MITF: variants seen among roughly 807,000 people sequenced by gnomAD.
MITF encodes melanocyte inducing transcription factor.
In MITF, 17 loss-of-function variants were observed where a neutral mutation model predicts 60.5. The ratio of observed to expected loss-of-function variants is 0.28; its 90% CI spans 0.19 to 0.42. The LOEUF is 0.42. Among genes scored for constraint, MITF ranks in the 10% least tolerant of loss-of-function variants. The pLI is 1.00. For synonymous variants in MITF, 260 were observed against 248.5 expected, an observed-to-expected ratio of 1.05 and a Z score of -0.43; for missense variants, 622 against 683.5, an observed-to-expected ratio of 0.91 and a Z score of 1.00.
intron 9 of MITF, among the ~76,000 whole-genome samples, chr3:69,959,857 G>A (rs79791531): frequency 0.022 from 3,322 of 152,276 alleles, 114 homozygotes; most frequent in African/African-American, 0.076. Flanking sequence ...GTTCCTGAGG[G>A]CAAGAAGGCC....
intron 7 of MITF, among the ~76,000 whole-genome samples, chr3:69,954,144 C>G (rs927145076): frequency 7.2e-5 from 11 of 152,016 alleles, no homozygotes; most frequent in Non-Finnish European, 1.2e-4. Context: ...TGTAGTACAC[C>G]TAAATATTGA....
intron 1 of MITF, among the ~76,000 whole-genome samples, chr3:69,786,692 C>T (rs2062655143): frequency 6.6e-6 from 1 of 151,924 alleles, no homozygotes; most frequent in East Asian, 1.9e-4. Flanking sequence ...CTTGTATGGG[C>T]TTATCCTTTT....
At chr3:69,894,201 C>T (rs1361120583) in intron 2 of MITF, among the ~76,000 whole-genome samples, 2 of 152,212 alleles carry the variant, frequency 1.3e-5, no homozygotes, top group Non-Finnish European at 2.9e-5. Flanking sequence ...CACAGCCTTT[C>T]GCCCCTAAGC....
At chr3:69,961,276 G>A (rs530859710) in intron 9 of MITF, among the ~76,000 whole-genome samples, 29 of 150,848 alleles carry the variant, frequency 1.9e-4, no homozygotes, top group African/African-American at 6.1e-4. Context: ...CCAGCTACTC[G>A]TGAGGCTGAG....
chr3:69,967,800 A>G lies in MITF; in HGVS notation c.*2552A>G, dbSNP rs146395033. 3.0e-5 allele frequency: 7 copies of G among 233,034 alleles called. No individual in the cohort carries two copies. Among genetic ancestry groups the G allele is most frequent in the Non-Finnish European group, 5.9e-5 (7 of 117,914 alleles). The allele number at this position is 233,034 out of a possible 1,614,324, so 14.4% of individuals were successfully genotyped here. The stretch of plus-strand genomic sequence containing the variant: ...GCAGTGGTTTGGGCTTGTTGTTTGT[A>G]ACAAGAAAATGATCCACACCACTCC... On this transcript the variant is annotated 3_prime_UTR_variant, in exon 10 of 10. Transcript: ENST00000352241.
At chr3:69,866,147 G>T in intron 1 of MITF, 1 of 1,462,492 alleles carries the variant, frequency 6.8e-7, no homozygotes, top group Non-Finnish European at 9.0e-7. Context: ...CAGAAACCAG[G>T]CACCGTTCTA....
intron 1 of MITF, among the ~76,000 whole-genome samples, chr3:69,761,248 GT>G (rs1194564177): frequency 4.6e-5 from 7 of 152,038 alleles, no homozygotes. Flanking sequence ...TTACATCTAG[GT>G]GAATTATAAA....
chr3:69,821,607 T>C (rs867791483), intron 1 of MITF, among the ~76,000 whole-genome samples: 46 of 140,982 alleles, frequency 3.3e-4, no homozygotes, highest in Middle Eastern at 3.8e-3. Flanking sequence ...AGACCTAGAT[T>C]TAAAAAAAAC....
At chr3:69,748,039 C>T (rs1703796016) in intron 1 of MITF, among the ~76,000 whole-genome samples, 2 of 151,980 alleles carry the variant, frequency 1.3e-5, no homozygotes, top group South Asian at 4.2e-4. Flanking sequence ...TTCCTGTCCA[C>T]TCTGTTGTGA....
At chr3:69,803,198 G>T (rs747996071) in intron 1 of MITF, among the ~76,000 whole-genome samples, 5 of 152,158 alleles carry the variant, frequency 3.3e-5, no homozygotes, top group Non-Finnish European at 7.4e-5. Flanking sequence ...CAAAAGTCCA[G>T]TTTATGAAGC....
intron 2 of MITF, among the ~76,000 whole-genome samples, chr3:69,914,001 G>A (rs953825913): frequency 3.9e-5 from 6 of 152,170 alleles, no homozygotes; most frequent in African/African-American, 1.4e-4. Flanking sequence ...TTGTTTTCAT[G>A]GGCTTTTCCA....
intron 1 of MITF, among the ~76,000 whole-genome samples, chr3:69,757,662 A>G (rs1434025212): frequency 6.6e-6 from 1 of 152,156 alleles, no homozygotes; most frequent in Non-Finnish European, 1.5e-5. Context: ...GAAAAAAAAC[A>G]GTTTGGGACA....
At chr3:69,762,914 A>G in intron 1 of MITF, 1 of 224,786 alleles carries the variant, frequency 4.4e-6, no homozygotes, top group Non-Finnish European at 8.9e-6. Flanking sequence ...CTGGGGTTGG[A>G]GGTTTAAACC....
At chr3:69,742,721 T>A (rs1211166804) in intron 1 of MITF, among the ~76,000 whole-genome samples, 1 of 152,200 alleles carries the variant, frequency 6.6e-6, no homozygotes, top group Non-Finnish European at 1.5e-5. Context: ...TGGGAAAGTA[T>A]TAGCATGGTG....
intron 1 of MITF, among the ~76,000 whole-genome samples, chr3:69,784,088 G>A (rs953895909): frequency 7.9e-5 from 12 of 152,034 alleles, no homozygotes; most frequent in Non-Finnish European, 4.4e-5. Context: ...TTTTGTTAAT[G>A]TTAGCAATAT....
At chr3:69,776,472 A>G (rs535340940) in intron 1 of MITF, among the ~76,000 whole-genome samples, 4 of 152,296 alleles carry the variant, frequency 2.6e-5, no homozygotes, top group Admixed American at 2.6e-4. Context: ...GTTTCCTCAT[A>G]TGCACAATGG....
At chr3:69,963,652 C>T (rs1026761264) in intron 9 of MITF, among the ~76,000 whole-genome samples, 2 of 152,186 alleles carry the variant, frequency 1.3e-5, no homozygotes, top group East Asian at 1.9e-4. Flanking sequence ...GACACCATCA[C>T]CCCATCGCCC....
intron 1 of MITF, among the ~76,000 whole-genome samples, chr3:69,811,324 G>A (rs1054355783): frequency 6.6e-6 from 1 of 152,152 alleles, no homozygotes; most frequent in South Asian, 2.1e-4. Flanking sequence ...GCTATGGATT[G>A]GACAAGTTTG....
At chr3:69,845,283 CTTCT>C (rs1486436240) in intron 1 of MITF, among the ~76,000 whole-genome samples, 1 of 151,868 alleles carries the variant, frequency 6.6e-6, no homozygotes, top group Non-Finnish European at 1.5e-5. Flanking sequence ...AGGAGAATGA[CTTCT>C]TTCTCCCAGA....
Sources: allele counts gnomAD v4.1 joint callset (sites outside exome capture counted in the v4.1 genomes callset), GRCh38; gene constraint gnomAD v4.1.1; transcripts MANE v1.5; gene names NCBI Gene and HGNC (gene_info 2026-07-23, HGNC 2026-07-21).